Variants in RGS7BP observed in about 807,000 individuals in gnomAD.
The protein encoded by RGS7BP is regulator of G protein signaling 7-binding protein.
A neutral mutation model predicts 31.3 loss-of-function variants in RGS7BP; 9 were observed. The ratio of observed to expected loss-of-function variants is 0.29; its 90% CI spans 0.17 to 0.50. The LOEUF (loss-of-function observed/expected upper bound fraction) is 0.50. RGS7BP is among the 20% of genes least tolerant of loss of function. The probability of loss-of-function intolerance (pLI) is 0.98; values close to 1 mark genes in which losing one functional copy is unlikely to be tolerated. For missense variants in RGS7BP, 274 were observed against 322.0 expected (o/e 0.85, Z 1.14); for synonymous variants, 115 against 120.1 (o/e 0.96, Z 0.28).
rs1748681073 is a variant in RGS7BP at position 64,506,500 on chromosome 5, G to A, written c.-125G>A. 1 of 755,048 alleles carries A rather than the reference G, an allele frequency of 1.3e-6. No individual in the cohort carries two copies. The highest frequency in any genetic ancestry group is 3.0e-5 in the Admixed American group (1 of 33,804). 46.8% of individuals were successfully genotyped at this position (755,048 alleles called of 1,614,324 possible). On this transcript the variant is annotated 5_prime_UTR_variant, in exon 1 of 6. Coordinates refer to ENST00000334025, the MANE Select transcript of RGS7BP (RefSeq NM_001029875.3). This position sits in a 1 kb window ranked among gnomAD's most constrained non-coding sequence, Gnocchi z 4.6. ...TTACCGACCCGCGCAGCCAGCCCCAGCACTGTGAGCTGCGCGCCTCAGGTC... is the reference window on the plus strand; with the variant it reads ...TTACCGACCCGCGCAGCCAGCCCCAACACTGTGAGCTGCGCGCCTCAGGTC...
chr5:64,555,283 C>T (rs1170694050), intron 2 of RGS7BP, among the ~76,000 whole-genome samples: 2 of 152,114 alleles, frequency 1.3e-5, no homozygotes, highest in Non-Finnish European at 2.9e-5. Flanking sequence ...CAATGAACAC[C>T]TTGCCACACT....
At chr5:64,564,177 TTAA>T (rs1358501482) in intron 2 of RGS7BP, among the ~76,000 whole-genome samples, 2 of 152,304 alleles carry the variant, frequency 1.3e-5, no homozygotes, top group East Asian at 3.9e-4. Flanking sequence ...TACCATACTC[TTAA>T]TACAGTTCCA....
chr5:64,534,305 AG>A (rs1171700694), intron 2 of RGS7BP, among the ~76,000 whole-genome samples: 1 of 152,186 alleles, frequency 6.6e-6, no homozygotes, highest in East Asian at 1.9e-4. Flanking sequence ...GGAAGGAGTT[AG>A]CAACCAGCCT....
chr5:64,575,745 C>T (rs1299803556), intron 2 of RGS7BP, 29 bp from the exon 3 acceptor site: 4 of 1,587,638 alleles, frequency 2.5e-6, no homozygotes, highest in Non-Finnish European at 3.4e-6. Flanking sequence ...TGAGAATGTT[C>T]ACAGCTTTTC....
intron 2 of RGS7BP, among the ~76,000 whole-genome samples, chr5:64,521,692 C>A (rs1225641531): frequency 2.0e-5 from 3 of 152,174 alleles, no homozygotes; most frequent in African/African-American, 7.2e-5. Context: ...TTCCCTTACC[C>A]TCGCCAAAAT....
rs183216057 is a variant in RGS7BP at position 64,609,306 on chromosome 5, G to A, written c.*54G>A. On this transcript the variant is annotated 3_prime_UTR_variant, in exon 6 of 6. Coordinates refer to ENST00000334025, the MANE Select transcript of RGS7BP (RefSeq NM_001029875.3). ...CATCTGAAAAAAAATCACAAAACCC[G>A]AGGACCTCCAGACAGCTGAACCACA... 254 of 1,011,342 alleles carry A rather than the reference G, an allele frequency of 2.5e-4. 4 individuals are homozygous for A. In the East Asian group the frequency reaches 5.7e-3, roughly 23 times the overall value. 62.6% of individuals were successfully genotyped at this position (1,011,342 alleles called of 1,614,324 possible).
chr5:64,546,314 A>T (rs942964681), intron 2 of RGS7BP, among the ~76,000 whole-genome samples: 1 of 147,782 alleles, frequency 6.8e-6, no homozygotes, highest in Non-Finnish European at 1.5e-5. Context: ...GATCACCAAG[A>T]TTAATGAACA....
intron 2 of RGS7BP, among the ~76,000 whole-genome samples, chr5:64,514,096 C>T (rs186543702): frequency 1.3e-5 from 2 of 152,296 alleles, no homozygotes; most frequent in African/African-American, 2.4e-5. Flanking sequence ...TCACATTCTT[C>T]GGTTTGGTGA....
At chr5:64,532,037 T>A (rs1391967358) in intron 2 of RGS7BP, among the ~76,000 whole-genome samples, 1 of 152,192 alleles carries the variant, frequency 6.6e-6, no homozygotes, top group Non-Finnish European at 1.5e-5. Context: ...TCATTGCTTA[T>A]CGGGAAGTGC....
chr5:64,573,337 T>C (rs1180004196), intron 2 of RGS7BP, among the ~76,000 whole-genome samples: 1 of 152,112 alleles, frequency 6.6e-6, no homozygotes, highest in Non-Finnish European at 1.5e-5. Flanking sequence ...TCTTAAAATA[T>C]GTTAATATGG....
chr5:64,551,136 T>A (rs1741783924), intron 2 of RGS7BP, among the ~76,000 whole-genome samples: 1 of 151,868 alleles, frequency 6.6e-6, no homozygotes. Context: ...GGTTTTCTGC[T>A]TATTTGTCAC....
intron 2 of RGS7BP, among the ~76,000 whole-genome samples, chr5:64,562,660 G>T (rs1742081453): frequency 1.3e-5 from 2 of 152,134 alleles, no homozygotes; most frequent in Admixed American, 1.3e-4. Flanking sequence ...CTTCACCAGT[G>T]TGAACACTCT....
At position 64,517,131 on chromosome 5, in the gene RGS7BP, G is replaced by A. The variant is rs183777105; in HGVS notation, c.332+9254G>A. Among the ~76,000 whole-genome samples the A allele has an allele frequency of 2.9e-4, 44 of 151,672 alleles. 1 individual carries two copies. The East Asian group carries it at 4.5e-3, about 15-fold the overall frequency. ...GTTTATGGCTTCTATCCTCAACCTC[G>A]CTTTATGAGGCAAGATGAGCACAGA... On this transcript the variant is annotated intron_variant, in intron 2 of 5. Coordinates refer to ENST00000334025, the MANE Select transcript of RGS7BP (RefSeq NM_001029875.3).
intron 2 of RGS7BP, among the ~76,000 whole-genome samples, chr5:64,530,113 C>T (rs1007506017): frequency 6.6e-6 from 1 of 152,184 alleles, no homozygotes; most frequent in African/African-American, 2.4e-5. Flanking sequence ...TGTGCATGCA[C>T]CCGTCATTAG....
intron 5 of RGS7BP, among the ~76,000 whole-genome samples, chr5:64,600,427 G>A (rs1159547092): frequency 6.6e-6 from 1 of 152,034 alleles, no homozygotes; most frequent in Non-Finnish European, 1.5e-5. Context: ...TAATCATAAA[G>A]AATATGATAT....
Position 64,553,993 on chromosome 5 carries a change from G to T in RGS7BP, c.333-21781G>T, listed in dbSNP as rs138335563. On this transcript the variant is annotated intron_variant, in intron 2 of 5. Transcript: ENST00000334025. Reference sequence around the variant, plus strand: ...GGGGCTTGTAGTTAGAAGATCATATGGGAGCAGGAATTAGAACTGAGATAT... The same window carrying T: ...GGGGCTTGTAGTTAGAAGATCATATTGGAGCAGGAATTAGAACTGAGATAT... Among the ~76,000 whole-genome samples, 182 of 152,178 alleles carry T rather than the reference G, an allele frequency of 1.2e-3. 1 individual carries two copies. The highest frequency in any genetic ancestry group is 6.8e-3 in the Middle Eastern group (2 of 294).
chr5:64,521,436 T>C (rs926429510), intron 2 of RGS7BP, among the ~76,000 whole-genome samples: 1 of 152,082 alleles, frequency 6.6e-6, no homozygotes, highest in Non-Finnish European at 1.5e-5. Context: ...TTTGTATTTT[T>C]AGTAGAGACG....
At chr5:64,508,225 A>G (rs1748746309) in intron 2 of RGS7BP, among the ~76,000 whole-genome samples, 1 of 152,230 alleles carries the variant, frequency 6.6e-6, no homozygotes, top group Admixed American at 6.5e-5. Flanking sequence ...TTATTTTGTC[A>G]TCTGCTGCTG....
At chr5:64,588,927 C>A in intron 3 of RGS7BP, among the ~76,000 whole-genome samples, 1 of 151,790 alleles carries the variant, frequency 6.6e-6, no homozygotes, top group African/African-American at 2.4e-5. Flanking sequence ...ATTCCCCAAC[C>A]CTAAAAAAAA....
Sources: allele counts gnomAD v4.1 joint callset (sites outside exome capture counted in the v4.1 genomes callset), GRCh38; gene constraint gnomAD v4.1.1; non-coding constraint Gnocchi (gnomAD v3.1); transcripts MANE v1.5; gene names NCBI Gene and HGNC (gene_info 2026-07-23, HGNC 2026-07-21).